The following SFRP2 variants were observed in gnomAD, a reference collection of about 807,000 sequenced individuals.
SFRP2 encodes secreted frizzled related protein 2.
In SFRP2, 16 loss-of-function variants were observed where a neutral mutation model predicts 26.0. That is an observed-to-expected ratio of 0.61 (90% CI 0.42 to 0.93). The LOEUF is 0.93. SFRP2 is among the 40% of genes least tolerant of loss of function. The pLI is 0.00. For missense variants in SFRP2, 343 were observed against 392.4 expected (o/e 0.87, Z 1.06); for synonymous variants, 173 against 167.3 (o/e 1.03, Z -0.26).
intron 2 of SFRP2, 76 bp downstream of exon 2, chr4:153,785,788 T>A (rs931085131): frequency 1.1e-6 from 1 of 934,036 alleles, no homozygotes; most frequent in African/African-American, 1.7e-5. Flanking sequence ...AACATCATAA[T>A]GATTTGCACC....
intron 2 of SFRP2, among the ~76,000 whole-genome samples, chr4:153,784,357 G>T (rs999569329): frequency 3.3e-5 from 5 of 152,222 alleles, no homozygotes; most frequent in Admixed American, 3.3e-4. Flanking sequence ...AACATGCCTG[G>T]CTCTTAGCCA....
intron 2 of SFRP2, among the ~76,000 whole-genome samples, chr4:153,784,754 T>C (rs190422760): frequency 6.6e-6 from 1 of 152,360 alleles, no homozygotes; most frequent in Admixed American, 6.5e-5. Flanking sequence ...CATTATTGAT[T>C]GACAGAGCAG....
intron 2 of SFRP2, among the ~76,000 whole-genome samples, chr4:153,782,696 C>G (rs1741140219): frequency 1.3e-5 from 2 of 152,218 alleles, no homozygotes; most frequent in Non-Finnish European, 2.9e-5. Context: ...AGTTTAGTGA[C>G]TTGCATGAGG....
chr4:153,781,044 T>G lies in SFRP2; in HGVS notation c.*407A>C. 5.6e-6 allele frequency: 1 copy of G among 179,096 alleles called. No homozygotes were observed. Among genetic ancestry groups the G allele is most frequent in the Non-Finnish European group, 1.2e-5 (1 of 84,864 alleles). 11.1% of individuals were successfully genotyped at this position (179,096 alleles called of 1,614,324 possible). On this transcript the variant is annotated 3_prime_UTR_variant, in exon 3 of 3. Coordinates refer to ENST00000274063, the MANE Select transcript of SFRP2 (RefSeq NM_003013.3). Reference sequence around the variant, plus strand: ...CCACAAGTTTGGGCCACAGAGAAAATTGAAGCAATTTGCATGTTATGACAA... The same window carrying G: ...CCACAAGTTTGGGCCACAGAGAAAAGTGAAGCAATTTGCATGTTATGACAA...
At chr4:153,783,539 G>A (rs1182838727) in intron 2 of SFRP2, among the ~76,000 whole-genome samples, 1 of 152,204 alleles carries the variant, frequency 6.6e-6, no homozygotes, top group African/African-American at 2.4e-5. Flanking sequence ...CTGTCCTGGA[G>A]GATGTGACTG....
intron 2 of SFRP2, 132 bp from the exon 3 acceptor site, chr4:153,781,887 A>G: frequency 1.3e-6 from 1 of 757,010 alleles, no homozygotes; most frequent in Non-Finnish European, 2.2e-6. Flanking sequence ...TGGGACCCTC[A>G]GAGGCTGCAG....
chr4:153,785,970 G>C, intron 1 of SFRP2, 26 bp from the exon 2 acceptor site: 1 of 1,513,388 alleles, frequency 6.6e-7, no homozygotes, highest in Non-Finnish European at 9.0e-7. Context: ...ACAGTCTTTA[G>C]TAAGTTTGCT....
At chr4:153,783,529 C>A (rs1413646595) in intron 2 of SFRP2, among the ~76,000 whole-genome samples, 1 of 152,190 alleles carries the variant, frequency 6.6e-6, no homozygotes, top group Non-Finnish European at 1.5e-5. Context: ...ATAACCTTTC[C>A]TGTCCTGGAG....
Position 153,781,515 on chromosome 4 carries a change from C to G in SFRP2, c.824G>C (p.Arg275Pro). ...GAACTCTCTCTGCCCCTTCTGCCACCGCTTCACCGAGGTGATCACCAGCTC... is the reference window on the plus strand; with the variant it reads ...GAACTCTCTCTGCCCCTTCTGCCACGGCTTCACCGAGGTGATCACCAGCTC... ...GGELVITSVKRWQKGQREFKR... is the reference protein window; with the variant it reads ...GGELVITSVKPWQKGQREFKR... The change falls in exon 3 of 3, where the codon CGG (arginine) becomes CCG (proline). Residue 275 changes from arginine (R) to proline (P), a missense_variant. Arg to Pro is a moderately radical substitution (Grantham distance 103). Transcript: ENST00000274063. The G allele has an allele frequency of 6.2e-7, 1 of 1,614,182 alleles. No homozygotes were observed. Among genetic ancestry groups the G allele is most frequent in the Non-Finnish European group, 8.5e-7 (1 of 1,180,040 alleles).
At chr4:153,781,857 G>C in intron 2 of SFRP2, 102 bp from the exon 3 acceptor site, 1 of 1,058,256 alleles carries the variant, frequency 9.4e-7, no homozygotes, top group Non-Finnish European at 1.4e-6. Context: ...GATGAGGAAA[G>C]AGAGGCTTCC....
chr4:153,788,578 C>G lies in SFRP2; in HGVS notation c.258G>C (p.Gln86His). ...AGAWIPLVMK[Q>H]CHPDTKKFLC... is the part of the protein sequence containing the mutation. ...GGAACTTCTTGGTGTCCGGGTGGCACTGCTTCATGACCAGCGGGATCCAAG... is the reference window on the plus strand; with the variant it reads ...GGAACTTCTTGGTGTCCGGGTGGCAGTGCTTCATGACCAGCGGGATCCAAG... The change falls in exon 1 of 3, where the codon CAG (glutamine) becomes CAC (histidine). Residue 86 changes from glutamine (Q) to histidine (H), a missense_variant. This residue lies in a region of SFRP2 where 251 missense variants were observed against 253.3 expected (regional missense o/e 0.99). Coordinates refer to ENST00000274063, the MANE Select transcript of SFRP2 (RefSeq NM_003013.3). 6.2e-7 allele frequency: 1 copy of G among 1,614,192 alleles called. No individual in the cohort carries two copies. Among genetic ancestry groups the G allele is most frequent in the South Asian group, 1.1e-5 (1 of 91,084 alleles).
At chr4:153,787,950 C>T (rs1741237279) in intron 1 of SFRP2, among the ~76,000 whole-genome samples, 1 of 152,250 alleles carries the variant, frequency 6.6e-6, no homozygotes, top group South Asian at 2.1e-4. Context: ...ACAAACTCCT[C>T]CACCAAACAC....
intron 2 of SFRP2, among the ~76,000 whole-genome samples, chr4:153,784,885 T>C (rs1741177730): frequency 6.6e-6 from 1 of 152,178 alleles, no homozygotes; most frequent in Non-Finnish European, 1.5e-5. Flanking sequence ...AAAGCAAGAA[T>C]GCCTCTGGGT....
In SFRP2 at chr4:153,788,923, T is replaced by C. The variant is rs1741267383; in HGVS notation, c.-88A>G. ...GTTCGAGCTTGTCCCGGGCCCGCTC[T>C]CTTCGCTGGGTGCGACTCGGGGCCC... On this transcript the variant is annotated 5_prime_UTR_variant, in exon 1 of 3. Transcript: ENST00000274063. The C allele has an allele frequency of 7.1e-7, 1 of 1,408,994 alleles. No homozygotes were observed. Among genetic ancestry groups the C allele is most frequent in the South Asian group, 1.5e-5 (1 of 66,272 alleles). The allele number at this position is 1,408,994 out of a possible 1,614,324, so 87.3% of individuals were successfully genotyped here. A position where few individuals can be genotyped will look rare whatever the true frequency, so the allele number is the denominator to read the frequency against.
In SFRP2 at chr4:153,788,544, G is replaced by A; in HGVS notation, c.292C>T (p.Leu98Phe). The A allele has an allele frequency of 6.2e-7, 1 of 1,614,222 alleles. No individual in the cohort carries two copies. The highest frequency in any genetic ancestry group is 8.5e-7 in the Non-Finnish European group (1 of 1,180,038). ...TCATCGAGGCAGACGGGGGCGAAGA[G>A]CGAGCACAGGAACTTCTTGGTGTCC... ...HPDTKKFLCS[L>F]FAPVCLDDLD... Residue 98 changes from leucine (L) to phenylalanine (F), a missense_variant, in exon 1 of 3, where the codon CTC becomes TTC. By Grantham distance (22) the Leu-to-Phe change is conservative. Coordinates refer to ENST00000274063, the MANE Select transcript of SFRP2 (RefSeq NM_003013.3).
rs750157608 is a variant in SFRP2 at position 153,781,769 on chromosome 4, C to T, written c.584-14G>A. 8.7e-6 allele frequency: 14 copies of T among 1,606,262 alleles called. No homozygotes were observed. Among genetic ancestry groups the T allele is most frequent in the African/African-American group, 2.7e-5 (2 of 74,676 alleles). ...TTATTTTCAGTGCTATGAGGGAGGG[C>T]AGAAAGAGTCATGCCAGTTATAATG... On this transcript the variant is annotated splice_polypyrimidine_tract_variant and intron_variant, in intron 2 of 2. Coordinates refer to ENST00000274063, the MANE Select transcript of SFRP2 (RefSeq NM_003013.3).
intron 2 of SFRP2, 139 bp downstream of exon 2, chr4:153,785,725 A>G (rs1741194085): frequency 1.7e-6 from 1 of 580,072 alleles, no homozygotes; most frequent in Middle Eastern, 4.6e-4. Context: ...ATCAAGTTAG[A>G]TGATTTTGGG....
intron 1 of SFRP2, among the ~76,000 whole-genome samples, chr4:153,786,168 G>T (rs947568718): frequency 1.3e-5 from 2 of 152,160 alleles, no homozygotes; most frequent in Non-Finnish European, 2.9e-5. Flanking sequence ...AAATGAGAAT[G>T]CCTATATGTT....
intron 1 of SFRP2, 46 bp downstream of exon 1, chr4:153,788,288 G>T: frequency 6.3e-7 from 1 of 1,575,642 alleles, no homozygotes; most frequent in Non-Finnish European, 8.6e-7. Context: ...TCTCCTGGGA[G>T]CGTCTCAGCC....
Sources: allele counts gnomAD v4.1 joint callset (sites outside exome capture counted in the v4.1 genomes callset), GRCh38; gene constraint gnomAD v4.1.1; regional missense constraint gnomAD v4.1.1; transcripts MANE v1.5; gene names NCBI Gene and HGNC (gene_info 2026-07-23, HGNC 2026-07-21).